The following CNTNAP5 variants were observed in gnomAD, a reference collection of about 807,000 sequenced individuals.
CNTNAP5 encodes contactin associated protein family member 5, also known as contactin-associated protein-like 5.
CNTNAP5 carries 72 observed loss-of-function variants against 150.2 expected under a neutral mutation model. The ratio of observed to expected loss-of-function variants is 0.48; its 90% CI spans 0.40 to 0.58. The LOEUF (loss-of-function observed/expected upper bound fraction) is 0.58, where lower values mean the gene tolerates loss of function less well. CNTNAP5 is among the 20% of genes least tolerant of loss of function. The pLI is 0.00. For missense variants in CNTNAP5, 1,636 were observed against 1,626.2 expected, an observed-to-expected ratio of 1.01 and a Z score of -0.10; for synonymous variants, 672 against 619.8, an observed-to-expected ratio of 1.08 and a Z score of -1.25.
chr2:124,898,116 A>G (rs937338091), intron 21 of CNTNAP5, among the ~76,000 whole-genome samples: 5 of 151,442 alleles, frequency 3.3e-5, no homozygotes, highest in South Asian at 2.1e-4. Context: ...CTCCAGAGGG[A>G]AAAATTTTTA....
intron 20 of CNTNAP5, 121 bp from the exon 21 acceptor site, chr2:124,869,554 A>AATC (rs1677701261): frequency 1.6e-6 from 1 of 639,506 alleles, no homozygotes; most frequent in South Asian, 1.9e-5. Flanking sequence ...CCTGAGAGAA[A>AATC]ATCTCAGAGG....
rs1366617789 is a variant in CNTNAP5, at chr2:124,025,541, G to C, written c.-110G>C. 5 of 869,738 alleles carry C rather than the reference G, an allele frequency of 5.7e-6. No homozygotes were observed. Among genetic ancestry groups the C allele is most frequent in the African/African-American group, 1.6e-5 (1 of 60,800 alleles). The allele number at this position is 869,738 out of a possible 1,614,324, so 53.9% of individuals were successfully genotyped here. ...TGAAAGAGCGAGTGCCTCTCCAAGCGGGGGTGGGAGGGGGTCAGGCTGTGC... is the reference window on the plus strand; with the variant it reads ...TGAAAGAGCGAGTGCCTCTCCAAGCCGGGGTGGGAGGGGGTCAGGCTGTGC... On this transcript the variant is annotated 5_prime_UTR_variant, in exon 1 of 24. Coordinates refer to ENST00000682447, the MANE Select transcript of CNTNAP5 (RefSeq NM_001367498.1).
chr2:124,485,455 T>C (rs1223620810), intron 7 of CNTNAP5, among the ~76,000 whole-genome samples: 51 of 151,116 alleles, frequency 3.4e-4, no homozygotes, highest in Non-Finnish European at 5.9e-5. Context: ...CTACTAAAAA[T>C]ACAAAAAATT....
chr2:124,280,902 T>C (rs1687996175), intron 3 of CNTNAP5, among the ~76,000 whole-genome samples: 1 of 152,324 alleles, frequency 6.6e-6, no homozygotes, highest in South Asian at 2.1e-4. Context: ...TTAACTACTT[T>C]GGTTTAGACC....
At chr2:124,737,290 C>CAA (rs35374514) in intron 13 of CNTNAP5, among the ~76,000 whole-genome samples, 4,701 of 126,520 alleles carry the variant, frequency 0.037, 253 homozygotes, top group African/African-American at 0.12. Context: ...GACTCCATCT[C>CAA]AAAAAAAAAA....
At chr2:124,079,805 T>C (rs1419694480) in intron 1 of CNTNAP5, among the ~76,000 whole-genome samples, 1 of 152,124 alleles carries the variant, frequency 6.6e-6, no homozygotes. Flanking sequence ...GGAAAGCCAC[T>C]GACAAATAGG....
chr2:124,510,313 C>CTATATATCTATATATCTATATATA (rs1175360881), intron 8 of CNTNAP5, among the ~76,000 whole-genome samples: 3 of 54,280 alleles, frequency 5.5e-5, no homozygotes, highest in South Asian at 7.0e-4. Context: ...ATATATATAT[C>CTATATATCTATATATCTATATATA]TATATATCTA....
At chr2:124,129,342 A>G (rs1458804741) in intron 1 of CNTNAP5, among the ~76,000 whole-genome samples, 1 of 152,136 alleles carries the variant, frequency 6.6e-6, no homozygotes, top group Non-Finnish European at 1.5e-5. Flanking sequence ...CAGTGGGATG[A>G]AGAGAACTCT....
chr2:124,258,644 T>A (rs1210469723), intron 3 of CNTNAP5, among the ~76,000 whole-genome samples: 1 of 152,126 alleles, frequency 6.6e-6, no homozygotes, highest in African/African-American at 2.4e-5. Flanking sequence ...CTAGTGCATA[T>A]GCAATCCTCT....
At chr2:124,199,786 G>T (rs1685675539) in intron 1 of CNTNAP5, among the ~76,000 whole-genome samples, 1 of 152,134 alleles carries the variant, frequency 6.6e-6, no homozygotes, top group African/African-American at 2.4e-5. Context: ...TTTATAGCTG[G>T]TGTATCTAAA....
chr2:124,645,019 G>T (rs890131373), intron 12 of CNTNAP5, among the ~76,000 whole-genome samples: 4 of 152,182 alleles, frequency 2.6e-5, no homozygotes, highest in Non-Finnish European at 5.9e-5. Context: ...TTATAGATTA[G>T]ACAGGGTTTT....
At chr2:124,867,727 T>C (rs1181903164) in intron 20 of CNTNAP5, among the ~76,000 whole-genome samples, 1 of 152,198 alleles carries the variant, frequency 6.6e-6, no homozygotes, top group Non-Finnish European at 1.5e-5. Context: ...CATACTCATC[T>C]CATTCGATCT....
chr2:124,774,786 T>C (rs1449261100), intron 17 of CNTNAP5, among the ~76,000 whole-genome samples: 1 of 152,216 alleles, frequency 6.6e-6, no homozygotes, highest in African/African-American at 2.4e-5. Context: ...ACGGAATAAT[T>C]TTTTACCCTT....
chr2:124,778,419 C>T (rs1681373983), intron 17 of CNTNAP5: 1 of 152,326 alleles, frequency 6.6e-6, no homozygotes, highest in African/African-American at 2.4e-5. Flanking sequence ...TTTTTTTGAA[C>T]ACATGCACAA....
chr2:124,617,354 G>A (rs2104992264), intron 12 of CNTNAP5, among the ~76,000 whole-genome samples: 1 of 152,264 alleles, frequency 6.6e-6, no homozygotes, highest in Admixed American at 6.5e-5. Flanking sequence ...AGTACCTGCA[G>A]TGCCACACTT....
At chr2:124,513,533 C>G (rs1004715619) in intron 8 of CNTNAP5, among the ~76,000 whole-genome samples, 12 of 152,152 alleles carry the variant, frequency 7.9e-5, no homozygotes, top group Non-Finnish European at 1.3e-4. Context: ...AAGCCTTGGT[C>G]CAACACCTTG....
At chr2:124,847,834 G>A (rs1215587865) in intron 19 of CNTNAP5, among the ~76,000 whole-genome samples, 1 of 152,000 alleles carries the variant, frequency 6.6e-6, no homozygotes, top group African/African-American at 2.4e-5. Flanking sequence ...TGCTTAAGAT[G>A]GAAATTATGG....
At chr2:124,262,761 T>C (rs549972694) in intron 3 of CNTNAP5, among the ~76,000 whole-genome samples, 5 of 151,722 alleles carry the variant, frequency 3.3e-5, no homozygotes, top group African/African-American at 1.2e-4. Flanking sequence ...TAACTTGTCA[T>C]TTACATTGGG....
chr2:124,407,133 G>A (rs926405661), intron 3 of CNTNAP5, among the ~76,000 whole-genome samples: 1 of 152,102 alleles, frequency 6.6e-6, no homozygotes, highest in Non-Finnish European at 1.5e-5. Flanking sequence ...GTTGTAAGTA[G>A]TGCTGTGATA....
Sources: allele counts gnomAD v4.1 joint callset (sites outside exome capture counted in the v4.1 genomes callset), GRCh38; gene constraint gnomAD v4.1.1; transcripts MANE v1.5; gene names NCBI Gene and HGNC (gene_info 2026-07-23, HGNC 2026-07-21).